Variants in PRR16 observed in about 807,000 individuals in gnomAD.
PRR16 encodes proline rich 16.
In PRR16, 6 loss-of-function variants were observed where a neutral mutation model predicts 18.2. That is an observed-to-expected ratio of 0.33 (90% CI 0.18 to 0.65). The LOEUF (loss-of-function observed/expected upper bound fraction) is 0.65, where lower values mean the gene tolerates loss of function less well. PRR16 is among the 30% of genes least tolerant of loss of function. PRR16 has a pLI of 0.74. For missense variants in PRR16, 412 were observed against 376.6 expected (o/e 1.09, Z -0.78); for synonymous variants, 151 against 147.8 (o/e 1.02, Z -0.16).
At chr5:120,493,165 A>T (rs1004871378) in intron 1 of PRR16, among the ~76,000 whole-genome samples, 4 of 152,328 alleles carry the variant, frequency 2.6e-5, no homozygotes, top group East Asian at 1.9e-4. Flanking sequence ...ACTAATTTAC[A>T]TTCCCACCAG....
At position 120,673,005 on chromosome 5, in the gene PRR16, A is replaced by G. The variant is rs138499512; in HGVS notation, c.160-12949A>G. 1.2e-3 allele frequency among the ~76,000 whole-genome samples: 179 copies of G among 152,352 alleles called. 2 individuals are homozygous for G. The East Asian group carries it at 0.022, about 19-fold the overall frequency. On this transcript the variant is annotated intron_variant, in intron 1 of 1. Coordinates refer to ENST00000407149, the MANE Select transcript of PRR16 (RefSeq NM_001300783.2). ...CTTTACAGGAAGCCTCAGTAGAGGC[A>G]TGAGTCTGTTAAAATCACAAGATAG...
At chr5:120,761,427 A>G in the PRR16 span, among the ~76,000 whole-genome samples, 1 of 152,102 alleles carries the variant, frequency 6.6e-6, no homozygotes, top group African/African-American at 2.4e-5. Context: ...TATCTCAAAG[A>G]CTATATCTAT....
intron 1 of PRR16, among the ~76,000 whole-genome samples, chr5:120,501,955 C>CAAAAAAAA (rs548770948): frequency 4.5e-5 from 2 of 44,072 alleles, no homozygotes; most frequent in African/African-American, 7.0e-5. Flanking sequence ...TACTCCGTCT[C>CAAAAAAAA]AAAAAAAAAA....
chr5:120,648,166 A>G (rs1313487939), intron 1 of PRR16, among the ~76,000 whole-genome samples: 1 of 152,120 alleles, frequency 6.6e-6, no homozygotes, highest in Non-Finnish European at 1.5e-5. Context: ...CGTTGTAGTC[A>G]CTAGATGTTT....
chr5:120,655,804 A>G (rs1003060445), intron 1 of PRR16, among the ~76,000 whole-genome samples: 2 of 151,038 alleles, frequency 1.3e-5, no homozygotes, highest in Admixed American at 1.3e-4. Context: ...GCTAAATGTG[A>G]AGAGAAGTGA....
chr5:120,771,504 A>G, the PRR16 span, among the ~76,000 whole-genome samples: 1 of 152,130 alleles, frequency 6.6e-6, no homozygotes, highest in Non-Finnish European at 1.5e-5. Context: ...ACAGGCCACT[A>G]TACAATCGAG....
chr5:120,596,506 A>G (rs1471496979), intron 1 of PRR16, among the ~76,000 whole-genome samples: 1 of 151,528 alleles, frequency 6.6e-6, no homozygotes, highest in Non-Finnish European at 1.5e-5. Flanking sequence ...TTTTCTCTTC[A>G]TTTTTTTAAC....
intron 1 of PRR16, among the ~76,000 whole-genome samples, chr5:120,658,849 C>T (rs1351855893): frequency 6.6e-6 from 1 of 151,824 alleles, no homozygotes; most frequent in African/African-American, 2.4e-5. Context: ...AATTATCTTG[C>T]ACTTGTTCAT....
At chr5:120,681,392 C>G (rs1323652253) in intron 1 of PRR16, among the ~76,000 whole-genome samples, 1 of 152,118 alleles carries the variant, frequency 6.6e-6, no homozygotes. Context: ...TAATTTTCCT[C>G]ACACACACAA....
chr5:120,714,017 T>G, the PRR16 span, among the ~76,000 whole-genome samples: 1 of 152,106 alleles, frequency 6.6e-6, no homozygotes, highest in Non-Finnish European at 1.5e-5. Context: ...TTTATATACT[T>G]GATATTTTAT....
At chr5:120,781,972 G>C in the PRR16 span, among the ~76,000 whole-genome samples, 1 of 148,528 alleles carries the variant, frequency 6.7e-6, no homozygotes, top group Non-Finnish European at 1.5e-5. Flanking sequence ...TAACAAGTGG[G>C]TATTTGTAAT....
chr5:120,593,025 G>A (rs2112777362), intron 1 of PRR16, among the ~76,000 whole-genome samples: 1 of 151,944 alleles, frequency 6.6e-6, no homozygotes, highest in South Asian at 2.1e-4. Flanking sequence ...GTGTTAAGAG[G>A]GAAATTTATA....
At chr5:120,678,686 G>C (rs1756881894) in intron 1 of PRR16, among the ~76,000 whole-genome samples, 1 of 152,112 alleles carries the variant, frequency 6.6e-6, no homozygotes, top group African/African-American at 2.4e-5. Context: ...TAGTGTTTTC[G>C]TGGAGTTTCT....
chr5:120,477,312 C>T (rs148911876), intron 1 of PRR16, among the ~76,000 whole-genome samples: 255 of 150,450 alleles, frequency 1.7e-3, no homozygotes, highest in Admixed American at 3.9e-3. Flanking sequence ...AAACTGAACC[C>T]GGATCTCCCC....
chr5:120,685,558 T>A (rs1561615590), intron 1 of PRR16, among the ~76,000 whole-genome samples: 1 of 152,160 alleles, frequency 6.6e-6, no homozygotes. Flanking sequence ...GATTATCTTT[T>A]TTTTTAATTT....
chr5:120,485,093 T>C (rs1438727982), intron 1 of PRR16, among the ~76,000 whole-genome samples: 1 of 152,032 alleles, frequency 6.6e-6, no homozygotes, highest in East Asian at 1.9e-4. Context: ...AGTGTAATTA[T>C]TTCACATACA....
intron 1 of PRR16, among the ~76,000 whole-genome samples, chr5:120,480,293 C>T (rs550517125): frequency 1.6e-4 from 24 of 152,110 alleles, no homozygotes; most frequent in Non-Finnish European, 3.4e-4. Context: ...CATCTGCTTC[C>T]TGAAGTTACT....
chr5:120,568,444 C>G (rs2112730511), intron 1 of PRR16, among the ~76,000 whole-genome samples: 1 of 152,154 alleles, frequency 6.6e-6, no homozygotes, highest in Middle Eastern at 3.4e-3. Context: ...AAAGATCTTT[C>G]CTGAAAGAAA....
At chr5:120,549,827 C>T (rs532751552) in intron 1 of PRR16, among the ~76,000 whole-genome samples, 1 of 152,102 alleles carries the variant, frequency 6.6e-6, no homozygotes, top group South Asian at 2.1e-4. Flanking sequence ...CATTGCCAGA[C>T]ACCTAGGGAT....
Sources: gnomAD v4.1 joint callset for allele counts (sites outside exome capture counted in the v4.1 genomes callset) on GRCh38, gnomAD v4.1.1 for gene constraint, MANE v1.5 for transcripts, NCBI Gene and HGNC (gene_info 2026-07-23, HGNC 2026-07-21) for gene names.